The following DDX39B variants were observed in gnomAD, a reference collection of about 807,000 sequenced individuals.
The protein encoded by DDX39B is DExD-box helicase 39B.
A neutral mutation model predicts 46.4 loss-of-function variants in DDX39B; 6 were observed. The ratio of observed to expected loss-of-function variants is 0.13; its 90% CI spans 0.07 to 0.26. The LOEUF is 0.26. Among genes scored for constraint, DDX39B ranks in the 10% least tolerant of loss-of-function variants. DDX39B has a pLI of 1.00. For synonymous variants in DDX39B, 174 were observed against 199.4 expected (o/e 0.87, Z 1.07); for missense variants, 185 against 553.4 (o/e 0.33, Z 6.68).
chr6:31,531,569 T>C lies in DDX39B; in HGVS notation c.868-164A>G, dbSNP rs992324602. The C allele has an allele frequency of 1.3e-5, 9 of 672,420 alleles. No homozygotes were observed. The highest frequency in any genetic ancestry group is 5.5e-5 in the East Asian group (2 of 36,148). 41.7% of individuals were successfully genotyped at this position (672,420 alleles called of 1,614,324 possible). A position where few individuals can be genotyped will look rare whatever the true frequency, so the allele number is the denominator to read the frequency against. On this transcript the variant is annotated intron_variant, in intron 7 of 10. Coordinates refer to ENST00000396172, the MANE Select transcript of DDX39B (RefSeq NM_004640.7). This position sits in a 1 kb window ranked among gnomAD's most constrained non-coding sequence, Gnocchi z 5.8. ...TATATTTAGAGCAGAAAAGGAAATA[T>C]AACTTTACTTCAGCACTGATTTTTC...
At chr6:31,536,740 C>T (rs1368742699) in intron 4 of DDX39B, 57 bp from the exon 5 acceptor site, 2 of 1,580,688 alleles carry the variant, frequency 1.3e-6, no homozygotes, top group Non-Finnish European at 1.7e-6. Flanking sequence ...TCCAATCCCC[C>T]CAGGGTTCCC....
In DDX39B at chr6:31,532,909, TGGCTGGGGGGGAGGAAG is replaced by T; in HGVS notation, c.736-15_737del. 1 of 510,590 alleles carries T rather than the reference TGGCTGGGGGGGAGGAAG, an allele frequency of 2.0e-6. No individual in the cohort carries two copies. Among genetic ancestry groups the T allele is most frequent in the Non-Finnish European group, 3.2e-6 (1 of 316,318 alleles). The allele number at this position is 510,590 out of a possible 1,614,324, so 31.6% of individuals were successfully genotyped here. A position where few individuals can be genotyped will look rare whatever the true frequency, so the allele number is the denominator to read the frequency against. ...TCTCATCATCCACGAAGATCTCCAT[TGGCTGGGGGGGAGGAAG>T]GGGGTGGGGAACGGGAGGAGGGCAG... On this transcript the variant is annotated splice_acceptor_variant and splice_polypyrimidine_tract_variant and coding_sequence_variant and intron_variant, in exon 7 of 11. Coordinates refer to ENST00000396172, the MANE Select transcript of DDX39B (RefSeq NM_004640.7). LOFTEE classifies it high-confidence loss of function.
chr6:31,539,328 T>C (rs1054478244), intron 2 of DDX39B, 54 bp from the exon 3 acceptor site: 1 of 1,584,154 alleles, frequency 6.3e-7, no homozygotes, highest in Non-Finnish European at 8.6e-7. Context: ...CAGATAACTC[T>C]ACCTTTTTCA....
chr6:31,535,725 G>C lies in DDX39B; in HGVS notation c.617-240C>G, dbSNP rs531926837. 3.3e-5 allele frequency among the ~76,000 whole-genome samples: 5 copies of C among 152,192 alleles called. No individual in the cohort carries two copies. In the East Asian group the frequency reaches 9.7e-4, roughly 29 times the overall value. On this transcript the variant is annotated intron_variant, in intron 5 of 10. Coordinates refer to ENST00000396172, the MANE Select transcript of DDX39B (RefSeq NM_004640.7). The surrounding 1 kb of genome is among the most constrained non-coding windows in gnomAD (Gnocchi z 4.6). Reference sequence around the variant, plus strand: ...AATGGGGATAAAGCCCAGTGCAGAGGCTCTCAAGGCCTTCAAAACATGCTT... The same window carrying C: ...AATGGGGATAAAGCCCAGTGCAGAGCCTCTCAAGGCCTTCAAAACATGCTT...
At position 31,530,421 on chromosome 6, in the gene DDX39B, A is replaced by T; in HGVS notation, c.*13T>A. On this transcript the variant is annotated 3_prime_UTR_variant, in exon 11 of 11. Transcript: ENST00000396172. The surrounding 1 kb of genome is among the most constrained non-coding windows in gnomAD (Gnocchi z 4.5). ...GAAGGACAGACGGTCACATTCCAAA[A>T]TGGGCGAGTCTTCTACCGTGTCTGT... 1.2e-6 allele frequency: 2 copies of T among 1,612,790 alleles called. No individual in the cohort carries two copies. Among genetic ancestry groups the T allele is most frequent in the Non-Finnish European group, 1.7e-6 (2 of 1,179,894 alleles).
At chr6:31,539,352 A>G (rs900053535) in intron 2 of DDX39B, 78 bp from the exon 3 acceptor site, 62 of 1,553,974 alleles carry the variant, frequency 4.0e-5, no homozygotes, top group Non-Finnish European at 5.1e-5. Context: ...TGCCAAGCCC[A>G]TTTCTTACCA....
chr6:31,530,538 T>G lies in DDX39B; in HGVS notation c.1271-88A>C. On this transcript the variant is annotated intron_variant, in intron 10 of 10. Transcript: ENST00000396172. This position sits in a 1 kb window ranked among gnomAD's most constrained non-coding sequence, Gnocchi z 4.5. Reference sequence around the variant, plus strand: ...CACGGCACACATGCAGACACTGGTGTACTGCCTGGGTTCAGAGGACGGACG... The same window carrying G: ...CACGGCACACATGCAGACACTGGTGGACTGCCTGGGTTCAGAGGACGGACG... 1.9e-6 allele frequency: 3 copies of G among 1,569,328 alleles called. No homozygotes were observed.
rs140432746 is a variant in DDX39B, at chr6:31,536,781, T to A, written c.433-98A>T. ...GTTTGAGCTAAACCAATTTTTAGCA[T>A]GTTTCCAAACTAAAACTAACTTTAG... On this transcript the variant is annotated intron_variant, in intron 4 of 10. Transcript: ENST00000396172. 286 of 1,451,408 alleles carry A rather than the reference T, an allele frequency of 2.0e-4. 2 individuals are homozygous for A. The African/African-American group carries it at 3.7e-3, about 19-fold the overall frequency. The allele number at this position is 1,451,408 out of a possible 1,614,324, so 89.9% of individuals were successfully genotyped here. A position where few individuals can be genotyped will look rare whatever the true frequency, so the allele number is the denominator to read the frequency against.
intron 2 of DDX39B, 32 bp from the exon 3 acceptor site, chr6:31,539,306 G>A: frequency 6.2e-7 from 1 of 1,603,578 alleles, no homozygotes; most frequent in Non-Finnish European, 8.5e-7. Context: ...AGATAAATTA[G>A]ACTTCAGTCT....
At chr6:31,532,410 T>C in intron 7 of DDX39B, 1 of 192,320 alleles carries the variant, frequency 5.2e-6, no homozygotes, top group Admixed American at 5.3e-5. Flanking sequence ...GGCTAATTTT[T>C]TTCTTCTTTG....
rs1373254613 is a variant in DDX39B, at chr6:31,541,970, T to A, written c.-153A>T. 11 of 674,714 alleles carry A rather than the reference T, an allele frequency of 1.6e-5. No homozygotes were observed. The highest frequency in any genetic ancestry group is 2.5e-5 in the Non-Finnish European group (9 of 364,520). 41.8% of individuals were successfully genotyped at this position (674,714 alleles called of 1,614,324 possible). On this transcript the variant is annotated 5_prime_UTR_variant, in exon 1 of 11. Coordinates refer to ENST00000396172, the MANE Select transcript of DDX39B (RefSeq NM_004640.7). ...CTTACCTAAACAGGGAGAGCGCGTA[T>A]GGCGGCAGCAACAGCGACGAAGGAG... is the stretch of plus-strand genomic sequence containing the variant.
At chr6:31,538,923 C>CT in intron 3 of DDX39B, 68 bp from the exon 4 acceptor site, 1 of 1,548,616 alleles carries the variant, frequency 6.5e-7, no homozygotes, top group Non-Finnish European at 8.9e-7. Context: ...AGGGAAGTGA[C>CT]TGTCACAAAA....
Position 31,540,643 on chromosome 6 carries a change from G to C in DDX39B, c.-111C>G. Reference sequence around the variant, plus strand: ...TTGAGGAACAGCAAAGGAAAACAAAGATACTATTTCTAACAGAAGAGCTGG... The same window carrying C: ...TTGAGGAACAGCAAAGGAAAACAAACATACTATTTCTAACAGAAGAGCTGG... On this transcript the variant is annotated 5_prime_UTR_variant, in exon 2 of 11. The change creates a new upstream start codon in the 5' untranslated region. Transcript: ENST00000396172. 3.0e-6 allele frequency: 3 copies of C among 1,002,376 alleles called. No individual in the cohort carries two copies. Among genetic ancestry groups the C allele is most frequent in the South Asian group, 1.5e-5 (1 of 67,618 alleles). The allele number at this position is 1,002,376 out of a possible 1,614,324, so 62.1% of individuals were successfully genotyped here. A position where few individuals can be genotyped will look rare whatever the true frequency, so the allele number is the denominator to read the frequency against.
Position 31,540,462 on chromosome 6 carries a change from C to G in DDX39B, c.71G>C (p.Gly24Ala), listed in dbSNP as rs989941493. The G allele has an allele frequency of 1.2e-6, 2 of 1,614,172 alleles. No homozygotes were observed. The highest frequency in any genetic ancestry group is 1.7e-6 in the Non-Finnish European group (2 of 1,180,040). The change falls in exon 2 of 11, where the codon GGA (glycine) becomes GCA (alanine). Residue 24 changes from glycine to alanine, a missense_variant. Gly to Ala is a moderately conservative substitution (Grantham distance 60). Around this residue, in one of 5 missense-constraint regions of DDX39B, gnomAD observed 30 missense variants for 41.6 expected, o/e 0.72. Transcript: ENST00000396172. ...CTTGGCAGGGGCCTCAGCCCCATCT[C>G]CCCCAGCTGCTGTCTCCACCTCATC... ...EDDEVETAAGGDGAEAPAKKD... is the reference protein window; with the variant it reads ...EDDEVETAAGADGAEAPAKKD...
At chr6:31,538,906 C>T in intron 3 of DDX39B, 51 bp from the exon 4 acceptor site, 1 of 1,578,816 alleles carries the variant, frequency 6.3e-7, no homozygotes, top group Non-Finnish European at 8.7e-7. Flanking sequence ...TCTTCATTAT[C>T]CCCTCTAGGG....
intron 4 of DDX39B, among the ~76,000 whole-genome samples, chr6:31,538,518 C>T (rs1768035248): frequency 1.3e-5 from 2 of 152,152 alleles, no homozygotes; most frequent in African/African-American, 4.8e-5. Flanking sequence ...TTCTCTGCCA[C>T]ATACCCCAAA....
intron 4 of DDX39B, 133 bp from the exon 5 acceptor site, chr6:31,536,816 A>T (rs973082055): frequency 1.8e-6 from 2 of 1,130,974 alleles, no homozygotes; most frequent in Middle Eastern, 2.1e-4. Context: ...GAGGGCACCT[A>T]ATTTAAAAAT....
rs1232122768 is a variant in DDX39B at position 31,535,018 on chromosome 6, C to A, written c.735+349G>T. ...TCGATGCCACCTTGAGGGTGCGTGG[C>A]TGTAGGGTGCATGTAAGAGACGATG... On this transcript the variant is annotated intron_variant, in intron 6 of 10. Coordinates refer to ENST00000396172, the MANE Select transcript of DDX39B (RefSeq NM_004640.7). The surrounding 1 kb of genome is among the most constrained non-coding windows in gnomAD (Gnocchi z 4.6). 6 of 365,528 alleles carry A rather than the reference C, an allele frequency of 1.6e-5. No homozygotes were observed. The highest frequency in any genetic ancestry group is 1.6e-5 in the Non-Finnish European group (3 of 191,508). The allele number at this position is 365,528 out of a possible 1,614,324, so 22.6% of individuals were successfully genotyped here. A position where few individuals can be genotyped will look rare whatever the true frequency, so the allele number is the denominator to read the frequency against.
rs1453877566 is a variant in DDX39B at position 31,541,116 on chromosome 6, G to GT, written c.-132-453dup. ...CTAACTCAGCAGCCATCAGTCAAGG[G>GT]TGATAGATGAGGGTCATCACTGCGC... On this transcript the variant is annotated intron_variant, in intron 1 of 10. Coordinates refer to ENST00000396172, the MANE Select transcript of DDX39B (RefSeq NM_004640.7). 1.3e-5 allele frequency: 7 copies of GT among 533,562 alleles called. No homozygotes were observed. The African/African-American group carries it at 1.3e-4, about 10-fold the overall frequency. The allele number at this position is 533,562 out of a possible 1,614,324, so 33.1% of individuals were successfully genotyped here.
Sources: gnomAD v4.1 joint callset for allele counts (sites outside exome capture counted in the v4.1 genomes callset) on GRCh38, gnomAD v4.1.1 for gene constraint, gnomAD v4.1.1 regional missense constraint, Gnocchi (gnomAD v3.1) non-coding constraint, MANE v1.5 for transcripts, NCBI Gene and HGNC (gene_info 2026-07-23, HGNC 2026-07-21) for gene names.